Variants in ATP10A observed in about 807,000 individuals in gnomAD.
ATP10A encodes the protein ATPase phospholipid transporting 10A (putative).
Under a neutral mutation model 147.8 loss-of-function variants are expected in ATP10A, and 111 were observed. That is an observed-to-expected ratio of 0.75 (90% CI 0.64 to 0.88). The LOEUF (loss-of-function observed/expected upper bound fraction) is 0.88, where lower values mean the gene tolerates loss of function less well. Ranked by LOEUF, ATP10A falls within the 40% of genes least tolerant of loss-of-function variation. The probability of loss-of-function intolerance (pLI) is 0.00; values close to 1 mark genes in which losing one functional copy is unlikely to be tolerated. For synonymous variants in ATP10A, 875 were observed against 841.6 expected (o/e 1.04, Z -0.69); for missense variants, 1,927 against 1,959.0 (o/e 0.98, Z 0.31).
At chr15:25,865,015 C>T (rs1289517150), upstream of ATP10A, 1 of 152,308 alleles carries the variant, frequency 6.6e-6, no homozygotes, top group African/African-American at 2.4e-5. Context: ...ATTTGCTTAC[C>T]CTGGAGCTTC....
At chr15:25,716,099 G>T (rs912752194) in intron 9 of ATP10A, among the ~76,000 whole-genome samples, 3 of 152,174 alleles carry the variant, frequency 2.0e-5, no homozygotes, top group Non-Finnish European at 4.4e-5. Flanking sequence ...GCCTCTGATC[G>T]ATTCTCGACC....
chr15:25,768,736 T>A (rs1476867800), intron 2 of ATP10A, among the ~76,000 whole-genome samples: 1 of 142,940 alleles, frequency 7.0e-6, no homozygotes, highest in Non-Finnish European at 1.5e-5. Flanking sequence ...AATTTGTTGC[T>A]CAGGTTGGTC....
At chr15:25,857,293 A>G (rs1281047526) in intron 1 of ATP10A, among the ~76,000 whole-genome samples, 4 of 152,114 alleles carry the variant, frequency 2.6e-5, no homozygotes, top group Admixed American at 2.6e-4. Flanking sequence ...AATTTTTAAG[A>G]AAAATTAGCC....
intron 1 of ATP10A, among the ~76,000 whole-genome samples, chr15:25,796,021 G>T (rs564798767): frequency 7.2e-5 from 11 of 152,312 alleles, no homozygotes; most frequent in African/African-American, 2.2e-4. Context: ...AGATGCTGGT[G>T]CCATGCTTCC....
intron 3 of ATP10A, among the ~76,000 whole-genome samples, chr15:25,730,465 C>T (rs1403880816): frequency 6.6e-6 from 1 of 152,148 alleles, no homozygotes; most frequent in Non-Finnish European, 1.5e-5. Context: ...GGTCATGAGT[C>T]CCCCAGGGCC....
chr15:25,792,634 G>A (rs1890481562), intron 1 of ATP10A, among the ~76,000 whole-genome samples: 1 of 152,188 alleles, frequency 6.6e-6, no homozygotes, highest in African/African-American at 2.4e-5. Flanking sequence ...CACTGGCCTG[G>A]TGAGGGTGAG....
At chr15:25,861,950 G>A (rs1240964526) in intron 1 of ATP10A, 1 of 271,420 alleles carries the variant, frequency 3.7e-6, no homozygotes, top group Non-Finnish European at 7.3e-6. Context: ...AAGAGCAGGA[G>A]TGGTCCATCG....
chr15:25,692,947 C>A (rs1379084038), intron 14 of ATP10A, among the ~76,000 whole-genome samples: 1 of 151,592 alleles, frequency 6.6e-6, no homozygotes, highest in Non-Finnish European at 1.5e-5. Flanking sequence ...ACTACAGGTA[C>A]ATGCCACCAC....
Position 25,714,174 on chromosome 15 carries a change from G to A in ATP10A, c.1844C>T (p.Pro615Leu). The A allele has an allele frequency of 6.2e-7, 1 of 1,608,524 alleles. No individual in the cohort carries two copies. Among genetic ancestry groups the A allele is most frequent in the East Asian group, 2.2e-5 (1 of 44,834 alleles). Residue 615 changes from proline (P) to leucine (L), a missense_variant, in exon 10 of 21, where the codon CCC becomes CTC. Pro to Leu is a moderately conservative substitution (Grantham distance 98, BLOSUM62 -3). Coordinates refer to ENST00000555815, the MANE Select transcript of ATP10A (RefSeq NM_024490.4). ...TIEDFLRRFT[P>L]SCLTSGCSSI... ...GCTGCAGCCTGAGGTCAGGCAGCTG[G>A]GTGTGAACCTCCGCAGGAAGTCTTC...
At chr15:25,810,352 C>A (rs1409507429) in intron 1 of ATP10A, among the ~76,000 whole-genome samples, 5 of 152,184 alleles carry the variant, frequency 3.3e-5, no homozygotes, top group Non-Finnish European at 7.3e-5. Context: ...CGGGACCAAG[C>A]CCTAGGTACC....
intron 1 of ATP10A, among the ~76,000 whole-genome samples, chr15:25,858,000 C>G (rs566820214): frequency 2.6e-4 from 40 of 152,310 alleles, no homozygotes; most frequent in South Asian, 6.2e-4. Flanking sequence ...CATGAACAAG[C>G]CTGCCTTTGG....
intron 10 of ATP10A, among the ~76,000 whole-genome samples, chr15:25,712,343 G>A (rs1901483107): frequency 6.6e-6 from 1 of 152,164 alleles, no homozygotes; most frequent in African/African-American, 2.4e-5. Flanking sequence ...GGCAAGTGCT[G>A]CGGCCTTCCT....
intron 1 of ATP10A, among the ~76,000 whole-genome samples, chr15:25,821,560 C>A (rs1891891230): frequency 6.6e-6 from 1 of 152,114 alleles, no homozygotes; most frequent in South Asian, 2.1e-4. Flanking sequence ...GGGGAGGGGC[C>A]TCTCTGGGTG....
intron 1 of ATP10A, among the ~76,000 whole-genome samples, chr15:25,818,594 GA>G (rs1161219993): frequency 6.6e-6 from 1 of 151,936 alleles, no homozygotes; most frequent in African/African-American, 2.4e-5. Flanking sequence ...CACAAAATTA[GA>G]AAAAAACCAT....
At chr15:25,801,199 C>G (rs1257801333) in intron 1 of ATP10A, among the ~76,000 whole-genome samples, 1 of 152,040 alleles carries the variant, frequency 6.6e-6, no homozygotes, top group Non-Finnish European at 1.5e-5. Context: ...CTCCAAATGC[C>G]CAAGGCCACT....
upstream of ATP10A, among the ~76,000 whole-genome samples, chr15:25,864,402 C>T (rs547328400): frequency 8.5e-4 from 129 of 152,266 alleles, no homozygotes; most frequent in African/African-American, 2.9e-3. Flanking sequence ...TGGCCGTGGC[C>T]CCAGGCTCTT....
intron 1 of ATP10A, among the ~76,000 whole-genome samples, chr15:25,808,557 T>C (rs1025919146): frequency 1.3e-5 from 2 of 152,204 alleles, no homozygotes; most frequent in Non-Finnish European, 2.9e-5. Flanking sequence ...GCTAATTTTG[T>C]ATTTTTCCTA....
chr15:25,837,690 G>T (rs1186273269), intron 1 of ATP10A, among the ~76,000 whole-genome samples: 5 of 152,210 alleles, frequency 3.3e-5, no homozygotes, highest in Non-Finnish European at 7.3e-5. Flanking sequence ...TAATGGACCA[G>T]AAGGCAAGCA....
At chr15:25,854,628 A>G (rs552055749) in intron 1 of ATP10A, among the ~76,000 whole-genome samples, 1 of 152,372 alleles carries the variant, frequency 6.6e-6, no homozygotes, top group South Asian at 2.1e-4. Flanking sequence ...AGTCATAACA[A>G]GTAAATGGGT....
Sources: allele counts gnomAD v4.1 joint callset (sites outside exome capture counted in the v4.1 genomes callset), GRCh38; gene constraint gnomAD v4.1.1; transcripts MANE v1.5; gene names NCBI Gene and HGNC (gene_info 2026-07-23, HGNC 2026-07-21).